The following THTPA variants were observed in gnomAD, a reference collection of about 807,000 sequenced individuals.
The protein encoded by THTPA is thiamine-triphosphatase.
THTPA carries 16 observed loss-of-function variants against 16.5 expected under a neutral mutation model. The observed-to-expected ratio is 0.97, with a 90% CI of 0.66 to 1.47. The LOEUF is 1.47. Among genes scored for constraint, THTPA ranks in the 40% most tolerant of loss-of-function variants. The pLI, the probability that THTPA is intolerant of heterozygous loss-of-function variation, is 0.00. For synonymous variants in THTPA, 110 were observed against 115.5 expected (o/e 0.95, Z 0.30); for missense variants, 281 against 280.9 (o/e 1.00, Z 0.00).
chr14:23,558,642 C>T, intron 1 of THTPA, 53 bp from the exon 2 acceptor site: 3 of 1,610,304 alleles, frequency 1.9e-6, no homozygotes, highest in Non-Finnish European at 2.5e-6. Flanking sequence ...GGAGCAGAGT[C>T]CAAGTGCTTG....
At chr14:23,522,350 G>T in the THTPA span, 1 of 1,535,818 alleles carries the variant, frequency 6.5e-7, no homozygotes, top group Non-Finnish European at 8.7e-7. Flanking sequence ...TACATCCACG[G>T]TGGAGATGCC....
At chr14:23,534,824 C>T in the THTPA span, 1 of 1,536,090 alleles carries the variant, frequency 6.5e-7, no homozygotes, top group South Asian at 1.2e-5. The surrounding 1 kb of genome is among the most constrained non-coding windows in gnomAD (Gnocchi z 4.5). Flanking sequence ...ATGTGAAGGG[C>T]AGTGAGGTGT....
chr14:23,526,586 G>A, the THTPA span: 1 of 1,535,804 alleles, frequency 6.5e-7, no homozygotes, highest in Non-Finnish European at 8.7e-7. Flanking sequence ...GGGTTGGCCA[G>A]GGCTTCCTGA....
At chr14:23,521,408 T>C in the THTPA span, 1 of 153,076 alleles carries the variant, frequency 6.5e-6, no homozygotes, top group East Asian at 1.9e-4. Flanking sequence ...GGTGTGGTGC[T>C]CTAGACAAAG....
At chr14:23,523,918 C>G in the THTPA span, 2 of 1,536,226 alleles carry the variant, frequency 1.3e-6, no homozygotes, top group Non-Finnish European at 8.7e-7. This position sits in a 1 kb window ranked among gnomAD's most constrained non-coding sequence, Gnocchi z 4.1. Context: ...CCTCTGGGCC[C>G]TCTTCCTCAC....
chr14:23,536,216 C>T, the THTPA span, among the ~76,000 whole-genome samples: 1 of 152,182 alleles, frequency 6.6e-6, no homozygotes, highest in Non-Finnish European at 1.5e-5. Flanking sequence ...TTCTCTCCAT[C>T]CAGCAGCCAG....
chr14:23,526,968 T>G, the THTPA span: 2 of 1,514,000 alleles, frequency 1.3e-6, no homozygotes, highest in Non-Finnish European at 1.8e-6. Context: ...TTTCTACAGT[T>G]GTAGCCTGCA....
the THTPA span, among the ~76,000 whole-genome samples, chr14:23,549,879 GGATAA>G: frequency 6.6e-6 from 1 of 152,020 alleles, no homozygotes. Flanking sequence ...TTAAAATGCT[GGATAA>G]GAGGAAAAGG....
chr14:23,544,893 A>G, the THTPA span, among the ~76,000 whole-genome samples: 1 of 150,314 alleles, frequency 6.7e-6, no homozygotes, highest in Non-Finnish European at 1.5e-5. Flanking sequence ...TCCTCCTACC[A>G]GGTTTCCCTT....
At chr14:23,534,835 G>A in the THTPA span, 7 of 1,536,088 alleles carry the variant, frequency 4.6e-6, no homozygotes, top group Admixed American at 1.4e-4. This position sits in a 1 kb window ranked among gnomAD's most constrained non-coding sequence, Gnocchi z 4.5. Context: ...AGTGAGGTGT[G>A]AGGGGGGTGG....
At chr14:23,520,654 C>G in the THTPA span, among the ~76,000 whole-genome samples, 27 of 152,202 alleles carry the variant, frequency 1.8e-4, no homozygotes, top group East Asian at 4.8e-3. The surrounding 1 kb of genome is among the most constrained non-coding windows in gnomAD (Gnocchi z 8.7). Context: ...CTCCCTGTAT[C>G]GCCAGCTCCC....
chr14:23,535,019 C>A, the THTPA span: 1 of 1,536,104 alleles, frequency 6.5e-7, no homozygotes, highest in South Asian at 1.2e-5. This position sits in a 1 kb window ranked among gnomAD's most constrained non-coding sequence, Gnocchi z 4.5. Flanking sequence ...GGGAGCCCTT[C>A]TTCTTCCTCC....
chr14:23,524,013 G>T, the THTPA span: 1 of 1,518,700 alleles, frequency 6.6e-7, no homozygotes, highest in Admixed American at 2.0e-5. This position sits in a 1 kb window ranked among gnomAD's most constrained non-coding sequence, Gnocchi z 5.6. Flanking sequence ...AAAGGCTGGG[G>T]CCCAGAAGCA....
Position 23,558,826 on chromosome 14 carries a change from C to A in THTPA, c.679C>A (p.His227Asn). Residue 227 changes from histidine to asparagine, a missense_variant, in exon 2 of 2, where the codon CAC (histidine) becomes AAC (asparagine). By Grantham distance (68) the His-to-Asn change is moderately conservative (BLOSUM62 1). Transcript: ENST00000288014. ...GCCACAGGAGACTGAAGATCCTGAC[C>A]ACTGCCTGGGCTAGGGGTGTCACTT... is the stretch of plus-strand genomic sequence containing the variant. ...ERPQETEDPD[H>N]CLG is the part of the protein sequence containing the mutation. 1 of 1,614,166 alleles carries A rather than the reference C, an allele frequency of 6.2e-7. No homozygotes were observed. The highest frequency in any genetic ancestry group is 8.5e-7 in the Non-Finnish European group (1 of 1,180,018).
At chr14:23,551,102 C>G (rs1298189681), upstream of THTPA, among the ~76,000 whole-genome samples, 3 of 151,934 alleles carry the variant, frequency 2.0e-5, no homozygotes, top group Admixed American at 6.6e-5. The surrounding 1 kb of genome is among the most constrained non-coding windows in gnomAD (Gnocchi z 5.3). Context: ...TTCCCCCATC[C>G]TCGCGCACGC....
At position 23,559,774 on chromosome 14, in the gene THTPA, T is replaced by C. The variant is rs1268177265; in HGVS notation, c.*934T>C. On this transcript the variant is annotated 3_prime_UTR_variant, in exon 2 of 2. Coordinates refer to ENST00000288014, the MANE Select transcript of THTPA (RefSeq NM_024328.6). ...TTACTGCCACGATTCCACAGGCAAGTTGTTCACCTCAAAGATCTCCTGCAC... is the reference window on the plus strand; with the variant it reads ...TTACTGCCACGATTCCACAGGCAAGCTGTTCACCTCAAAGATCTCCTGCAC... 5 of 1,614,008 alleles carry C rather than the reference T, an allele frequency of 3.1e-6. No homozygotes were observed. Among genetic ancestry groups the C allele is most frequent in the African/African-American group, 1.3e-5 (1 of 74,882 alleles).
the THTPA span, chr14:23,532,928 T>C: frequency 6.5e-7 from 1 of 1,536,166 alleles, no homozygotes; most frequent in Non-Finnish European, 8.7e-7. Flanking sequence ...GAGCAGCAGC[T>C]CCAGGCTGTC....
intron 1 of THTPA, among the ~76,000 whole-genome samples, chr14:23,558,297 A>G (rs1300835648): frequency 6.6e-6 from 1 of 152,174 alleles, no homozygotes. Flanking sequence ...CTATGTGTAC[A>G]TCTCTGCATG....
the THTPA span, among the ~76,000 whole-genome samples, chr14:23,520,236 C>T: frequency 4.6e-4 from 70 of 152,188 alleles, no homozygotes; most frequent in South Asian, 1.2e-3. The surrounding 1 kb of genome is among the most constrained non-coding windows in gnomAD (Gnocchi z 8.7). Flanking sequence ...GTCTCATGGA[C>T]GGGTCCCGAC....
Sources: gnomAD v4.1 joint callset for allele counts (sites outside exome capture counted in the v4.1 genomes callset) on GRCh38, gnomAD v4.1.1 for gene constraint, Gnocchi (gnomAD v3.1) non-coding constraint, MANE v1.5 for transcripts, NCBI Gene and HGNC (gene_info 2026-07-23, HGNC 2026-07-21) for gene names.